The following NME7 variants were observed in gnomAD, a reference collection of about 807,000 sequenced individuals.
The protein encoded by NME7 is nucleoside diphosphate kinase 7.
NME7 carries 41 observed loss-of-function variants against 49.1 expected under a neutral mutation model. The observed-to-expected ratio is 0.83, with a 90% CI of 0.65 to 1.08. NME7 has a LOEUF of 1.08. Ranked by LOEUF, NME7 falls within the 50% of genes least tolerant of loss-of-function variation. The pLI is 0.00. For missense variants in NME7, 423 were observed against 463.4 expected, an observed-to-expected ratio of 0.91 and a Z score of 0.80; for synonymous variants, 139 against 150.6, an observed-to-expected ratio of 0.92 and a Z score of 0.56.
At chr1:169,237,791 A>G (rs943579068) in intron 7 of NME7, 104 bp from the exon 8 acceptor site, 5 of 741,224 alleles carry the variant, frequency 6.7e-6, no homozygotes, top group Admixed American at 2.7e-5. Flanking sequence ...TTTATACTCT[A>G]TATTTAAAAA....
chr1:169,297,809 G>A (rs1650769893), intron 6 of NME7, among the ~76,000 whole-genome samples: 1 of 152,012 alleles, frequency 6.6e-6, no homozygotes, highest in Non-Finnish European at 1.5e-5. Flanking sequence ...AAGAAAAGAG[G>A]AAAAAAGAAT....
In NME7 at chr1:169,165,518, C is replaced by T. The variant is rs1014038810; in HGVS notation, c.1098+3929G>A. Among the ~76,000 whole-genome samples, 7 of 152,198 alleles carry T rather than the reference C, an allele frequency of 4.6e-5. No individual in the cohort carries two copies. The East Asian group carries it at 5.8e-4, about 13-fold the overall frequency. The stretch of plus-strand genomic sequence containing the variant: ...TGCGTGTGACAGTTCTGGTTTATGC[C>T]TCTTGTCCGAACATCTTTTCTGATT... On this transcript the variant is annotated intron_variant, in intron 11 of 11. Transcript: ENST00000367811.
intron 1 of NME7, among the ~76,000 whole-genome samples, chr1:169,342,341 T>C (rs1033593416): frequency 6.6e-6 from 1 of 151,934 alleles, no homozygotes; most frequent in South Asian, 2.1e-4. Flanking sequence ...TCTGGCATGA[T>C]TGTAAGTTTC....
chr1:169,346,028 A>T (rs539576689), intron 1 of NME7, among the ~76,000 whole-genome samples: 39 of 152,246 alleles, frequency 2.6e-4, no homozygotes, highest in African/African-American at 8.2e-4. Context: ...TATTAGATCT[A>T]CCTGCAAAAC....
chr1:169,298,589 C>G lies in NME7; in HGVS notation c.615G>C (p.Ala205=), dbSNP rs143907031. ...LFGTDGIRNA[A]HGPDSFASAA... ...CAGAAGCAAAAGAATCAGGGCCATG[C>G]GCTGCATTTCTTATGCCATCTGTTC... Residue 205 remains alanine (A), a synonymous_variant, in exon 6 of 12, where the codon GCG becomes GCC. Coordinates refer to ENST00000367811, the MANE Select transcript of NME7 (RefSeq NM_013330.5). The G allele has an allele frequency of 1.9e-6, 3 of 1,613,902 alleles. No individual in the cohort carries two copies. Among genetic ancestry groups the G allele is most frequent in the Non-Finnish European group, 2.5e-6 (3 of 1,179,870 alleles).
intron 10 of NME7, among the ~76,000 whole-genome samples, chr1:169,185,208 C>A (rs1207872771): frequency 6.6e-6 from 1 of 152,140 alleles, no homozygotes; most frequent in Non-Finnish European, 1.5e-5. Context: ...GTTTGTAAGT[C>A]CAACAATTAA....
chr1:169,168,575 G>A (rs907357175), intron 11 of NME7, among the ~76,000 whole-genome samples: 6 of 152,116 alleles, frequency 3.9e-5, no homozygotes, highest in East Asian at 1.9e-4. Flanking sequence ...GGGACTCCAG[G>A]TGCATGCCAC....
intron 10 of NME7, among the ~76,000 whole-genome samples, chr1:169,195,595 T>C (rs975574655): frequency 6.6e-6 from 1 of 152,162 alleles, no homozygotes; most frequent in Admixed American, 6.5e-5. Flanking sequence ...TCAGAAAGTT[T>C]ACCTTGAAGG....
Position 169,327,350 on chromosome 1 carries a change from A to G in NME7, c.4-2850T>C, listed in dbSNP as rs116527426. Among the ~76,000 whole-genome samples the G allele has an allele frequency of 6.9e-3, 1,053 of 152,294 alleles. 14 individuals are homozygous for G. Among genetic ancestry groups the G allele is most frequent in the African/African-American group, 0.024 (1,017 of 41,570 alleles). Reference sequence around the variant, plus strand: ...GAGACTTTCTTAAAGAAGCCAAATCATTTTTCCTCTTTTGAACATTTTAAA... The same window carrying G: ...GAGACTTTCTTAAAGAAGCCAAATCGTTTTTCCTCTTTTGAACATTTTAAA... On this transcript the variant is annotated intron_variant, in intron 1 of 11. Transcript: ENST00000367811.
chr1:169,133,265 T>C (rs1658307060), intron 11 of NME7, among the ~76,000 whole-genome samples: 1 of 152,070 alleles, frequency 6.6e-6, no homozygotes, highest in Non-Finnish European at 1.5e-5. Context: ...CAAAAAACAT[T>C]TTCCAGCTAT....
At chr1:169,206,313 AATTAATTCAAATATCTAT>A (rs1412718958) in intron 10 of NME7, among the ~76,000 whole-genome samples, 97 of 152,308 alleles carry the variant, frequency 6.4e-4, no homozygotes, top group Non-Finnish European at 3.1e-4. Flanking sequence ...TTAACTAATT[AATTAATTCAAATATCTAT>A]ATGGAAGTTG....
intron 10 of NME7, among the ~76,000 whole-genome samples, chr1:169,216,414 C>T (rs1660975446): frequency 6.6e-6 from 1 of 152,218 alleles, no homozygotes; most frequent in South Asian, 2.1e-4. Context: ...CAGAGAGCTT[C>T]CAGATAGCTG....
intron 1 of NME7, among the ~76,000 whole-genome samples, chr1:169,342,943 ACTTGTAT>A (rs1384109014): frequency 8.1e-5 from 4 of 49,238 alleles, no homozygotes; most frequent in African/African-American, 2.7e-4. Flanking sequence ...ACATATATAT[ACTTGTAT>A]TAGTATATAT....
intron 7 of NME7, among the ~76,000 whole-genome samples, chr1:169,273,725 C>T (rs1558016699): frequency 8.1e-6 from 1 of 123,866 alleles, no homozygotes; most frequent in Non-Finnish European, 1.9e-5. Flanking sequence ...GGTTTTTTGT[C>T]CTTGCGATAG....
At chr1:169,198,095 A>G (rs1660439012) in intron 10 of NME7, among the ~76,000 whole-genome samples, 2 of 152,140 alleles carry the variant, frequency 1.3e-5, no homozygotes, top group South Asian at 4.1e-4. Context: ...CAATAAGCAC[A>G]TAAAAAGATA....
chr1:169,302,770 T>C (rs1207465990), intron 5 of NME7, among the ~76,000 whole-genome samples: 1 of 151,750 alleles, frequency 6.6e-6, no homozygotes, highest in Non-Finnish European at 1.5e-5. Context: ...AAAGTAAAAG[T>C]TGACATAAAA....
chr1:169,364,066 G>A (rs1191981670), intron 1 of NME7, among the ~76,000 whole-genome samples: 3 of 152,120 alleles, frequency 2.0e-5, no homozygotes, highest in Non-Finnish European at 4.4e-5. Context: ...TGAGAAGCAG[G>A]GACTCAATTG....
intron 10 of NME7, among the ~76,000 whole-genome samples, chr1:169,188,302 T>A (rs894258554): frequency 1.3e-5 from 2 of 152,206 alleles, no homozygotes; most frequent in Non-Finnish European, 2.9e-5. Flanking sequence ...GGGTGTTTTA[T>A]TTCATGGCAT....
intron 1 of NME7, among the ~76,000 whole-genome samples, chr1:169,339,661 G>T (rs1193080527): frequency 6.6e-6 from 1 of 152,170 alleles, no homozygotes; most frequent in Admixed American, 6.5e-5. Context: ...AAGTGGATGT[G>T]CTAGACATTT....
Sources: allele counts gnomAD v4.1 joint callset (sites outside exome capture counted in the v4.1 genomes callset), GRCh38; gene constraint gnomAD v4.1.1; transcripts MANE v1.5; gene names NCBI Gene and HGNC (gene_info 2026-07-23, HGNC 2026-07-21).